Variants in WFDC1 observed in about 807,000 individuals in gnomAD.
The protein encoded by WFDC1 is WAP four-disulfide core domain 1, also known as WAP four-disulfide core domain protein 1.
A neutral mutation model predicts 32.9 loss-of-function variants in WFDC1; 39 were observed. The observed-to-expected ratio is 1.19, with a 90% CI of 0.92 to 1.55. WFDC1 has a LOEUF of 1.55. Among genes scored for constraint, WFDC1 ranks in the 40% most tolerant of loss-of-function variants. The pLI is 0.00. For missense variants in WFDC1, 386 were observed against 309.5 expected, an observed-to-expected ratio of 1.25 and a Z score of -1.85; for synonymous variants, 184 against 137.4, an observed-to-expected ratio of 1.34 and a Z score of -2.37.
intron 1 of WFDC1, among the ~76,000 whole-genome samples, chr16:84,312,528 A>G (rs766486339): frequency 2.0e-5 from 3 of 152,186 alleles, no homozygotes; most frequent in Non-Finnish European, 4.4e-5. Flanking sequence ...CTATATAAAC[A>G]TGGATTCTAA....
Position 84,295,083 on chromosome 16 carries a change from G to T in WFDC1, c.112G>T (p.Ala38Ser), listed in dbSNP as rs766149943. 1.2e-6 allele frequency: 2 copies of T among 1,614,178 alleles called. No homozygotes were observed. Among genetic ancestry groups the T allele is most frequent in the Non-Finnish European group, 1.7e-6 (2 of 1,180,014 alleles). The change falls in exon 1 of 7, where the codon GCA (alanine) becomes TCA (serine). Residue 38 changes from alanine to serine, a missense_variant. Ala to Ser is a moderately conservative substitution (Grantham distance 99). Coordinates refer to ENST00000219454, the MANE Select transcript of WFDC1 (RefSeq NM_021197.4). ...CTCTGCCAAGAATATCTGGAAACGG[G>T]CATTGCCTGCGAGGCTGGCCGAGAA... ...AGSAKNIWKR[A>S]LPARLAEKSR...
chr16:84,303,069 G>C (rs1597664788), intron 1 of WFDC1, among the ~76,000 whole-genome samples: 1 of 127,314 alleles, frequency 7.9e-6, no homozygotes, highest in African/African-American at 2.9e-5. Flanking sequence ...CATTAACCTT[G>C]TGCCAAATTC....
In WFDC1 at chr16:84,319,595, A is replaced by G. The variant is rs776673403; in HGVS notation, c.562+24A>G. 3.7e-6 allele frequency: 6 copies of G among 1,608,330 alleles called. No homozygotes were observed. The Admixed American group carries it at 1.0e-4, about 27-fold the overall frequency. Reference sequence around the variant, plus strand: ...AGGTGAGTGTGGCACCCCAGCCCTGATCCTGGCTCCTGCCCCAGTCCCCTT... The same window carrying G: ...AGGTGAGTGTGGCACCCCAGCCCTGGTCCTGGCTCCTGCCCCAGTCCCCTT... On this transcript the variant is annotated intron_variant, in intron 4 of 6. Coordinates refer to ENST00000219454, the MANE Select transcript of WFDC1 (RefSeq NM_021197.4).
rs1163304763 is a variant in WFDC1 at position 84,329,379 on chromosome 16, G to C, written c.*73G>C. 6.6e-6 allele frequency: 1 copy of C among 152,118 alleles called. No homozygotes were observed. The highest frequency in any genetic ancestry group is 2.4e-5 in the African/African-American group (1 of 41,314). The allele number at this position is 152,118 out of a possible 1,614,324, so 9.4% of individuals were successfully genotyped here. On this transcript the variant is annotated 3_prime_UTR_variant, in exon 7 of 7. Transcript: ENST00000219454. Reference sequence around the variant, plus strand: ...TAAGCCTTGGAAACAGTTGGGAAAAGTAGTTTGACCCTCACAGTTCACATT... The same window carrying C: ...TAAGCCTTGGAAACAGTTGGGAAAACTAGTTTGACCCTCACAGTTCACATT...
intron 3 of WFDC1, chr16:84,318,564 G>T: frequency 1.8e-6 from 1 of 542,060 alleles, no homozygotes; most frequent in East Asian, 3.1e-5. Flanking sequence ...ACAGAATAAG[G>T]GCTTCGACTC....
chr16:84,318,448 C>A, intron 3 of WFDC1, 93 bp downstream of exon 3: 1 of 1,235,200 alleles, frequency 8.1e-7, no homozygotes, highest in Non-Finnish European at 1.2e-6. Context: ...GGCCGGCTGT[C>A]CCCCATGCAC....
At chr16:84,301,557 G>T (rs1906936639) in intron 1 of WFDC1, among the ~76,000 whole-genome samples, 2 of 152,134 alleles carry the variant, frequency 1.3e-5, no homozygotes, top group African/African-American at 4.8e-5. Context: ...CGGGTGCTCA[G>T]TAGGCTCCGG....
chr16:84,319,708 T>C lies in WFDC1; in HGVS notation c.562+137T>C. ...GGCCTGACTGAGAGCTCCTCACATC[T>C]TCCCCCTGCCCGGCTCCTTCTTTCA... is the stretch of plus-strand genomic sequence containing the variant. On this transcript the variant is annotated intron_variant, in intron 4 of 6. Coordinates refer to ENST00000219454, the MANE Select transcript of WFDC1 (RefSeq NM_021197.4). 3 of 1,163,018 alleles carry C rather than the reference T, an allele frequency of 2.6e-6. No homozygotes were observed. In the South Asian group the frequency reaches 4.7e-5, roughly 18 times the overall value. The allele number at this position is 1,163,018 out of a possible 1,614,324, so 72.0% of individuals were successfully genotyped here.
At chr16:84,310,511 A>G (rs1323913033) in intron 1 of WFDC1, among the ~76,000 whole-genome samples, 1 of 152,196 alleles carries the variant, frequency 6.6e-6, no homozygotes, top group Non-Finnish European at 1.5e-5. Context: ...TGTACATGGT[A>G]AAAAGACATT....
At chr16:84,303,737 C>T (rs910474445) in intron 1 of WFDC1, among the ~76,000 whole-genome samples, 1 of 152,218 alleles carries the variant, frequency 6.6e-6, no homozygotes, top group African/African-American at 2.4e-5. Flanking sequence ...TTAGTATACT[C>T]AGAGTCATGC....
intron 2 of WFDC1, 105 bp from the exon 3 acceptor site, chr16:84,318,166 TG>T: frequency 1.0e-6 from 1 of 978,064 alleles, no homozygotes; most frequent in Non-Finnish European, 1.6e-6. Flanking sequence ...ATTTCTCCCA[TG>T]GGGAGCCTCT....
chr16:84,313,076 C>CT lies in WFDC1; in HGVS notation c.260_261insT (p.Glu88ArgfsTer49). The CT allele has an allele frequency of 7.0e-7, 1 of 1,423,980 alleles. No homozygotes were observed. Among genetic ancestry groups the CT allele is most frequent in the Non-Finnish European group, 9.1e-7 (1 of 1,094,260 alleles). The allele number at this position is 1,423,980 out of a possible 1,614,324, so 88.2% of individuals were successfully genotyped here. ...CAGGCCGCGCGCTGTCAGGCGGACTCCGAGTGCCCGCGGCACCGGCGCTGC... is the reference window on the plus strand; with the variant it reads ...CAGGCCGCGCGCTGTCAGGCGGACTCTCGAGTGCCCGCGGCACCGGCGCTGC... On this transcript the variant is annotated frameshift_variant, in exon 2 of 7. Coordinates refer to ENST00000219454, the MANE Select transcript of WFDC1 (RefSeq NM_021197.4). LOFTEE classifies it high-confidence loss of function.
At chr16:84,302,118 C>T (rs1016066603) in intron 1 of WFDC1, among the ~76,000 whole-genome samples, 8 of 152,158 alleles carry the variant, frequency 5.3e-5, no homozygotes, top group Admixed American at 2.6e-4. Context: ...ACAAAGGCCA[C>T]GGGTGTGTGA....
chr16:84,325,280 G>A (rs2151380654), intron 5 of WFDC1, among the ~76,000 whole-genome samples: 1 of 150,164 alleles, frequency 6.7e-6, no homozygotes, highest in Middle Eastern at 3.6e-3. Flanking sequence ...TTGGCTCACT[G>A]CAAACTCTGC....
intron 2 of WFDC1, among the ~76,000 whole-genome samples, chr16:84,314,634 T>A (rs748434635): frequency 6.6e-6 from 1 of 152,222 alleles, no homozygotes; most frequent in Non-Finnish European, 1.5e-5. Flanking sequence ...TACAGTCTTA[T>A]AATGCTCATC....
At chr16:84,308,386 C>G (rs748866695) in intron 1 of WFDC1, among the ~76,000 whole-genome samples, 36 of 152,210 alleles carry the variant, frequency 2.4e-4, no homozygotes, top group Non-Finnish European at 5.0e-4. Flanking sequence ...GGACTGCGCT[C>G]GGTCCCAGCC....
chr16:84,302,610 A>G (rs867992301), intron 1 of WFDC1, among the ~76,000 whole-genome samples: 5 of 152,200 alleles, frequency 3.3e-5, no homozygotes, highest in African/African-American at 1.2e-4. Flanking sequence ...AAATGTTTAC[A>G]TAAGAGCCCA....
intron 1 of WFDC1, among the ~76,000 whole-genome samples, chr16:84,303,375 T>C (rs1440450790): frequency 6.6e-6 from 1 of 152,074 alleles, no homozygotes; most frequent in East Asian, 1.9e-4. Context: ...GAGGGAGGCA[T>C]GTGGGTAGCT....
At chr16:84,308,987 AG>A (rs1907447971) in intron 1 of WFDC1, among the ~76,000 whole-genome samples, 1 of 152,188 alleles carries the variant, frequency 6.6e-6, no homozygotes, top group East Asian at 1.9e-4. Flanking sequence ...GAAGTTCTGT[AG>A]GGAGAAACTG....
Sources: gnomAD v4.1 joint callset for allele counts (sites outside exome capture counted in the v4.1 genomes callset) on GRCh38, gnomAD v4.1.1 for gene constraint, MANE v1.5 for transcripts, NCBI Gene and HGNC (gene_info 2026-07-23, HGNC 2026-07-21) for gene names.